Variants in CDC42BPB observed in about 807,000 individuals in gnomAD.
The protein encoded by CDC42BPB is CDC42 binding protein kinase beta.
CDC42BPB carries 37 observed loss-of-function variants against 214.9 expected under a neutral mutation model. The observed-to-expected ratio is 0.17, with a 90% CI of 0.13 to 0.23. The LOEUF is 0.23. Among genes scored for constraint, CDC42BPB ranks in the 10% least tolerant of loss-of-function variants. CDC42BPB has a pLI of 1.00. For synonymous variants in CDC42BPB, 931 were observed against 884.0 expected (o/e 1.05, Z -0.94); for missense variants, 1,694 against 2,227.0 (o/e 0.76, Z 4.82).
chr14:102,961,162 GAATCAATCAATC>G (rs34666495), intron 20 of CDC42BPB, among the ~76,000 whole-genome samples: 136 of 149,642 alleles, frequency 9.1e-4, no homozygotes, highest in South Asian at 2.5e-3. Flanking sequence ...GCAAGACCCT[GAATCAATCAATC>G]AATCAATCAA....
chr14:102,958,726 G>A (rs1892820196), intron 21 of CDC42BPB, among the ~76,000 whole-genome samples: 1 of 152,132 alleles, frequency 6.6e-6, no homozygotes, highest in Non-Finnish European at 1.5e-5. Context: ...GTCTCGGCAA[G>A]GCACCTGGTG....
rs781106005 is a variant in CDC42BPB at position 102,963,054 on chromosome 14, A to G, written c.2821+7T>C. 9 of 1,201,794 alleles carry G rather than the reference A, an allele frequency of 7.5e-6. No homozygotes were observed. The highest frequency in any genetic ancestry group is 1.1e-5 in the Non-Finnish European group (9 of 810,604). 74.4% of individuals were successfully genotyped at this position (1,201,794 alleles called of 1,614,324 possible). On this transcript the variant is annotated splice_region_variant and intron_variant, in intron 20 of 36. Transcript: ENST00000361246. ...AAATAATGCAGAATCGCACAACATT[A>G]ATTTACCAGTATCTGCTCTGAATTT...
rs1889039203 is a variant in CDC42BPB at position 103,057,235 on chromosome 14, G to C, written c.-62C>G. On this transcript the variant is annotated 5_prime_UTR_variant, in exon 1 of 37. Transcript: ENST00000361246. ...CACCGCCGGCTCGGCCAGTCCGTCA[G>C]GGCGCGCCCTCGGGGGCTCGGCGGC... The C allele has an allele frequency of 2.4e-6, 3 of 1,226,866 alleles. No individual in the cohort carries two copies. Among genetic ancestry groups the C allele is most frequent in the East Asian group, 3.3e-5 (1 of 30,570 alleles). The allele number at this position is 1,226,866 out of a possible 1,614,324, so 76.0% of individuals were successfully genotyped here. A position where few individuals can be genotyped will look rare whatever the true frequency, so the allele number is the denominator to read the frequency against.
intron 28 of CDC42BPB, 26 bp from the exon 29 acceptor site, chr14:102,945,750 A>G: frequency 6.2e-7 from 1 of 1,609,106 alleles, no homozygotes; most frequent in Non-Finnish European, 8.5e-7. Flanking sequence ...TAACATACAC[A>G]AAGTCAGTAC....
intron 1 of CDC42BPB, among the ~76,000 whole-genome samples, chr14:103,014,732 C>G (rs1886358850): frequency 6.6e-6 from 1 of 152,098 alleles, no homozygotes; most frequent in South Asian, 2.1e-4. Context: ...ACAGCAAATA[C>G]ACATCAGCAG....
At position 103,045,083 on chromosome 14, in the gene CDC42BPB, C is replaced by T. The variant is rs115809187; in HGVS notation, c.175+11916G>A. On this transcript the variant is annotated intron_variant, in intron 1 of 36. Coordinates refer to ENST00000361246, the MANE Select transcript of CDC42BPB (RefSeq NM_006035.4). ...ATAAATAAATATTGAAAAATAAATT[C>T]GGCTCACCAGTTTTTTAAACAAAGT... is the stretch of plus-strand genomic sequence containing the variant. Among the ~76,000 whole-genome samples, 1,322 of 151,396 alleles carry T rather than the reference C, an allele frequency of 8.7e-3. 21 individuals are homozygous for T. The highest frequency in any genetic ancestry group is 0.03 in the African/African-American group (1,250 of 41,298).
In CDC42BPB at chr14:102,959,642, G is replaced by C; in HGVS notation, c.2890C>G (p.Leu964Val). ...YFNTAPLAHD[L>V]TFRTSSASEQ... ...AAACAATGACTTACTCTAAATGTCA[G>C]GTCATGTGCAAGAGGAGCAGTGTTG... Residue 964 changes from leucine to valine, a missense_variant, in exon 21 of 37, where the codon CTG (leucine) becomes GTG (valine). Physicochemically the swap from Leu to Val is conservative, Grantham distance 32 (BLOSUM62 1). This residue lies in a region of CDC42BPB where 156 missense variants were observed against 154.5 expected (regional missense o/e 1.01). Coordinates refer to ENST00000361246, the MANE Select transcript of CDC42BPB (RefSeq NM_006035.4). 1.2e-6 allele frequency: 2 copies of C among 1,602,978 alleles called. No homozygotes were observed. The highest frequency in any genetic ancestry group is 1.7e-6 in the Non-Finnish European group (2 of 1,173,248).
chr14:102,951,543 C>T (rs1162795191), intron 24 of CDC42BPB, among the ~76,000 whole-genome samples: 16 of 152,160 alleles, frequency 1.1e-4, no homozygotes, highest in Admixed American at 1.0e-3. Flanking sequence ...AATCCCAGCA[C>T]TTTGGGAGGC....
At chr14:102,969,541 G>A (rs1408512406) in intron 14 of CDC42BPB, among the ~76,000 whole-genome samples, 1 of 152,218 alleles carries the variant, frequency 6.6e-6, no homozygotes, top group African/African-American at 2.4e-5. Flanking sequence ...CCACGTCCCA[G>A]AGGAAGAGTT....
intron 1 of CDC42BPB, among the ~76,000 whole-genome samples, chr14:103,045,148 C>T (rs543163133): frequency 2.6e-5 from 4 of 152,050 alleles, no homozygotes; most frequent in African/African-American, 9.7e-5. Context: ...TTTGCACTAA[C>T]AAGGGTGAAG....
At chr14:102,968,396 A>T (rs376675561) in intron 15 of CDC42BPB, 38 bp from the exon 16 acceptor site, 3 of 1,612,398 alleles carry the variant, frequency 1.9e-6, no homozygotes, top group Non-Finnish European at 2.5e-6. Flanking sequence ...AAAAGCTCGT[A>T]ACTTCACTGA....
chr14:102,961,121 C>T (rs1027203596), intron 20 of CDC42BPB, among the ~76,000 whole-genome samples: 14 of 152,194 alleles, frequency 9.2e-5, no homozygotes, highest in Admixed American at 7.2e-4. Flanking sequence ...GAACCCTGAT[C>T]GTGCTACTGC....
At chr14:102,941,542 C>G (rs1891889317) in intron 30 of CDC42BPB, 1 of 985,352 alleles carries the variant, frequency 1.0e-6, no homozygotes, top group African/African-American at 1.7e-5. Context: ...CAGACACTGC[C>G]CTTCAGGGAA....
intron 1 of CDC42BPB, among the ~76,000 whole-genome samples, chr14:103,034,906 C>T (rs543292468): frequency 6.6e-6 from 1 of 151,546 alleles, no homozygotes; most frequent in Non-Finnish European, 1.5e-5. Flanking sequence ...TTTAAAGTTT[C>T]TTTCCTTAAT....
In CDC42BPB at chr14:103,004,746, G is replaced by A. The variant is rs1285768758; in HGVS notation, c.352-723C>T. On this transcript the variant is annotated intron_variant, in intron 3 of 36. Transcript: ENST00000361246. The surrounding 1 kb of genome is among the most constrained non-coding windows in gnomAD (Gnocchi z 5.3). ...TAGCCAGGTGTGGTGGCAGGTGCCTGTAATCCCAGCTACATGGGAGGCTGA... is the reference window on the plus strand; with the variant it reads ...TAGCCAGGTGTGGTGGCAGGTGCCTATAATCCCAGCTACATGGGAGGCTGA... 6.6e-6 allele frequency among the ~76,000 whole-genome samples: 1 copy of A among 152,128 alleles called. No homozygotes were observed. The highest frequency in any genetic ancestry group is 2.4e-5 in the African/African-American group (1 of 41,420).
chr14:103,055,707 G>A (rs1888909615), intron 1 of CDC42BPB, among the ~76,000 whole-genome samples: 1 of 152,204 alleles, frequency 6.6e-6, no homozygotes, highest in African/African-American at 2.4e-5. Flanking sequence ...TAATCCAACA[G>A]AAGCCCTCTA....
At chr14:103,053,896 A>C (rs1447346739) in intron 1 of CDC42BPB, among the ~76,000 whole-genome samples, 2 of 152,056 alleles carry the variant, frequency 1.3e-5, no homozygotes. Context: ...GCTGGAGTGT[A>C]GTGGCATGAT....
At chr14:102,972,790 G>A (rs1488753391) in intron 12 of CDC42BPB, among the ~76,000 whole-genome samples, 1 of 142,510 alleles carries the variant, frequency 7.0e-6, no homozygotes, top group Non-Finnish European at 1.5e-5. Flanking sequence ...AGGACGCTCC[G>A]TAATGTCAGC....
At chr14:103,056,674 G>C (rs567899268) in intron 1 of CDC42BPB, among the ~76,000 whole-genome samples, 10 of 151,856 alleles carry the variant, frequency 6.6e-5, no homozygotes, top group South Asian at 2.1e-4. Flanking sequence ...GGCCCGGCGG[G>C]GGGGAGGGGG....
Sources: allele counts gnomAD v4.1 joint callset (sites outside exome capture counted in the v4.1 genomes callset), GRCh38; gene constraint gnomAD v4.1.1; regional missense constraint gnomAD v4.1.1; non-coding constraint Gnocchi (gnomAD v3.1); transcripts MANE v1.5; gene names NCBI Gene and HGNC (gene_info 2026-07-23, HGNC 2026-07-21).